The following PALLD variants were observed in gnomAD, a reference collection of about 807,000 sequenced individuals.
PALLD encodes the protein palladin, cytoskeletal associated protein, also known as palladin.
PALLD carries 61 observed loss-of-function variants against 123.5 expected under a neutral mutation model. That is an observed-to-expected ratio of 0.49 (90% CI 0.40 to 0.61). The LOEUF is 0.61. PALLD is among the 20% of genes least tolerant of loss of function. The pLI is 0.00. For synonymous variants in PALLD, 465 were observed against 496.4 expected (o/e 0.94, Z 0.84); for missense variants, 1,273 against 1,377.0 (o/e 0.92, Z 1.20).
chr4:168,651,564 T>C (rs1012722612), intron 2 of PALLD, among the ~76,000 whole-genome samples: 2 of 152,132 alleles, frequency 1.3e-5, no homozygotes, highest in African/African-American at 4.8e-5. Flanking sequence ...ACAGAATCTC[T>C]GAAGATGGAA....
intron 3 of PALLD, among the ~76,000 whole-genome samples, chr4:168,673,765 G>T (rs1780539962): frequency 2.0e-5 from 3 of 152,132 alleles, no homozygotes; most frequent in Non-Finnish European, 4.4e-5. Flanking sequence ...AAGGAATCAG[G>T]GATGACTCTG....
intron 10 of PALLD, among the ~76,000 whole-genome samples, chr4:168,732,023 G>C (rs1039994692): frequency 1.3e-5 from 2 of 152,216 alleles, no homozygotes; most frequent in Non-Finnish European, 2.9e-5. Flanking sequence ...TACTTAACTT[G>C]TCATGCTTTC....
At position 168,718,412 on chromosome 4, in the gene PALLD, T is replaced by C. The variant is rs944471609; in HGVS notation, c.1964+6489T>C. On this transcript the variant is annotated intron_variant, in intron 10 of 21. Transcript: ENST00000505667. Reference sequence around the variant, plus strand: ...GAATGTACATAAAAGTATTTTAAAATCTAGCACACTTTTTTTTCTTAACCA... The same window carrying C: ...GAATGTACATAAAAGTATTTTAAAACCTAGCACACTTTTTTTTCTTAACCA... Among the ~76,000 whole-genome samples, 9 of 152,330 alleles carry C rather than the reference T, an allele frequency of 5.9e-5. No individual in the cohort carries two copies. In the East Asian group the frequency reaches 1.5e-3, roughly 26 times the overall value.
chr4:168,586,263 A>G (rs1169787744), intron 2 of PALLD, among the ~76,000 whole-genome samples: 1 of 151,598 alleles, frequency 6.6e-6, no homozygotes, highest in Non-Finnish European at 1.5e-5. Flanking sequence ...TGATTCCAGT[A>G]TTCCCAAACT....
intron 2 of PALLD, among the ~76,000 whole-genome samples, chr4:168,595,835 C>A (rs1305153326): frequency 6.6e-6 from 1 of 151,588 alleles, no homozygotes; most frequent in Non-Finnish European, 1.5e-5. Flanking sequence ...GTCCTCACTA[C>A]TTGAGTGACA....
intron 2 of PALLD, among the ~76,000 whole-genome samples, chr4:168,653,277 A>G (rs571657232): frequency 1.3e-5 from 2 of 152,362 alleles, no homozygotes; most frequent in African/African-American, 4.8e-5. Flanking sequence ...CTGGAAAAAC[A>G]GCGGATCAGT....
intron 10 of PALLD, among the ~76,000 whole-genome samples, chr4:168,835,149 T>C (rs1744954373): frequency 6.6e-6 from 1 of 152,230 alleles, no homozygotes; most frequent in South Asian, 2.1e-4. Flanking sequence ...TTTTCTTTTG[T>C]GTATATTTTC....
intron 4 of PALLD, among the ~76,000 whole-genome samples, chr4:168,682,534 A>T (rs1360509168): frequency 6.6e-6 from 1 of 152,184 alleles, no homozygotes; most frequent in Non-Finnish European, 1.5e-5. Context: ...CGACAACAAA[A>T]TTAGAAACCA....
chr4:168,567,996 A>G (rs765792428), intron 2 of PALLD, among the ~76,000 whole-genome samples: 1 of 152,122 alleles, frequency 6.6e-6, no homozygotes, highest in African/African-American at 2.4e-5. Flanking sequence ...CCATTGGATT[A>G]TCTATTGAGA....
chr4:168,547,336 G>A (rs1234628481), intron 2 of PALLD, among the ~76,000 whole-genome samples: 1 of 151,970 alleles, frequency 6.6e-6, no homozygotes, highest in Admixed American at 6.6e-5. Context: ...TGGGGAGTGT[G>A]TGGGAGTGTG....
intron 2 of PALLD, among the ~76,000 whole-genome samples, chr4:168,553,470 A>T (rs909732462): frequency 1.3e-5 from 2 of 152,228 alleles, no homozygotes; most frequent in African/African-American, 4.8e-5. Flanking sequence ...ACATATTTGC[A>T]ATCAGTGGAT....
chr4:168,921,827 C>T (rs1037941937), intron 18 of PALLD, 86 bp downstream of exon 18: 17 of 1,018,348 alleles, frequency 1.7e-5, no homozygotes, highest in African/African-American at 4.7e-5. Flanking sequence ...CTAACCAATA[C>T]GGAAAATAAA....
intron 8 of PALLD, among the ~76,000 whole-genome samples, chr4:168,698,862 TAAAG>T (rs1222917175): frequency 6.8e-6 from 1 of 146,798 alleles, no homozygotes; most frequent in Non-Finnish European, 1.5e-5. Flanking sequence ...GGTAAACACA[TAAAG>T]AAAATCGAAG....
intron 2 of PALLD, among the ~76,000 whole-genome samples, chr4:168,573,450 C>T (rs567911050): frequency 4.6e-5 from 7 of 152,074 alleles, no homozygotes; most frequent in African/African-American, 1.7e-4. Flanking sequence ...TTCTATACCC[C>T]CAGTGTCCAA....
chr4:168,900,818 T>C (rs1756351552), intron 14 of PALLD, among the ~76,000 whole-genome samples: 1 of 152,226 alleles, frequency 6.6e-6, no homozygotes. Context: ...CAAACGCATG[T>C]ATTAAAAATA....
At position 168,668,215 on chromosome 4, in the gene PALLD, C is replaced by T; in HGVS notation, c.934C>T (p.His312Tyr). 1.9e-6 allele frequency: 3 copies of T among 1,614,150 alleles called. No homozygotes were observed. The highest frequency in any genetic ancestry group is 1.6e-4 in the Middle Eastern group (1 of 6,062). The change falls in exon 3 of 22, where the codon CAC becomes TAC. Residue 312 changes from histidine to tyrosine, a missense_variant. By Grantham distance (83) the His-to-Tyr change is moderately conservative (BLOSUM62 2). This residue lies in a region of PALLD where 944 missense variants were observed against 954.5 expected (regional missense o/e 0.99). Coordinates refer to ENST00000505667, the MANE Select transcript of PALLD (RefSeq NM_001166108.2). ...VRWFCEGKEL[H>Y]NTPDIQIHCE... ...ATGGTTCTGTGAAGGGAAAGAACTG[C>T]ACAACACTCCTGATATTCAAATCCA...
At chr4:168,686,057 T>A (rs928620179) in intron 6 of PALLD, among the ~76,000 whole-genome samples, 1 of 152,116 alleles carries the variant, frequency 6.6e-6, no homozygotes, top group Non-Finnish European at 1.5e-5. Flanking sequence ...TATAAAACTT[T>A]ATTAAAAGAC....
At chr4:168,536,890 C>T (rs1392657947) in intron 2 of PALLD, among the ~76,000 whole-genome samples, 3 of 151,258 alleles carry the variant, frequency 2.0e-5, no homozygotes, top group African/African-American at 4.9e-5. Context: ...TGCAGTGGCG[C>T]GATCTCGGCT....
At chr4:168,920,476 T>A (rs1038276190) in intron 17 of PALLD, among the ~76,000 whole-genome samples, 1 of 152,172 alleles carries the variant, frequency 6.6e-6, no homozygotes, top group Non-Finnish European at 1.5e-5. Flanking sequence ...GACATCTTTT[T>A]GTATATAACT....
Sources: allele counts gnomAD v4.1 joint callset (sites outside exome capture counted in the v4.1 genomes callset), GRCh38; gene constraint gnomAD v4.1.1; regional missense constraint gnomAD v4.1.1; transcripts MANE v1.5; gene names NCBI Gene and HGNC (gene_info 2026-07-23, HGNC 2026-07-21).